The following TLNRD1 variants were observed in gnomAD, a reference collection of about 807,000 sequenced individuals.
TLNRD1 encodes the protein talin rod domain containing 1.
A neutral mutation model predicts 19.5 loss-of-function variants in TLNRD1; 14 were observed. The ratio of observed to expected loss-of-function variants is 0.72; its 90% confidence interval spans 0.47 to 1.12. TLNRD1 has a LOEUF of 1.12. Ranked by LOEUF, TLNRD1 falls within the 50% of genes most tolerant of loss-of-function variation. The probability of loss-of-function intolerance (pLI) is 0.00; values close to 1 mark genes in which losing one functional copy is unlikely to be tolerated. For synonymous variants in TLNRD1, 345 were observed against 261.7 expected, an observed-to-expected ratio of 1.32 and a Z score of -3.07; for missense variants, 569 against 531.9, an observed-to-expected ratio of 1.07 and a Z score of -0.69.
Position 81,002,184 on chromosome 15 carries a change from C to G in TLNRD1, c.-88C>G, listed in dbSNP as rs940128661. The G allele has an allele frequency of 1.3e-4, 158 of 1,196,312 alleles. 1 individual carries two copies. The highest frequency in any genetic ancestry group is 1.6e-4 in the Non-Finnish European group (155 of 963,830). The allele number at this position is 1,196,312 out of a possible 1,614,324, so 74.1% of individuals were successfully genotyped here. A position where few individuals can be genotyped will look rare whatever the true frequency, so the allele number is the denominator to read the frequency against. ...GCACCGCGGCCTTGGCCAGCTGAGT[C>G]GCGACGGCCGCCGGGGCGGCGGCAG... On this transcript the variant is annotated 5_prime_UTR_variant, in exon 1 of 1. Coordinates refer to ENST00000267984, the MANE Select transcript of TLNRD1 (RefSeq NM_022566.3).
At position 81,004,016 on chromosome 15, in the gene TLNRD1, A is replaced by G. The variant is rs548908863; in HGVS notation, c.*656A>G. ...TTATGTTTCTCAGATGGCTTTTTGC[A>G]ATTATTGTTGATTTTTCAATAATTG... On this transcript the variant is annotated 3_prime_UTR_variant, in exon 1 of 1. Transcript: ENST00000267984. 5 of 166,980 alleles carry G rather than the reference A, an allele frequency of 3.0e-5. No individual in the cohort carries two copies. In the South Asian group the frequency reaches 8.3e-4, roughly 28 times the overall value. 10.3% of individuals were successfully genotyped at this position (166,980 alleles called of 1,614,324 possible).
chr15:81,003,235 C>T lies in TLNRD1; in HGVS notation c.964C>T (p.His322Tyr). ...HPDGGAKMSDHRERLRNSACA... is the reference protein window; with the variant it reads ...HPDGGAKMSDYRERLRNSACA... The stretch of plus-strand genomic sequence containing the variant: ...CGACGGGGGCGCCAAGATGTCGGAC[C>T]ACAGGGAGAGGCTGAGGAACTCGGC... The change falls in exon 1 of 1, where the codon CAC (histidine) becomes TAC (tyrosine). Residue 322 changes from histidine to tyrosine, a missense_variant. Coordinates refer to ENST00000267984, the MANE Select transcript of TLNRD1 (RefSeq NM_022566.3). 1 of 1,606,856 alleles carries T rather than the reference C, an allele frequency of 6.2e-7. No individual in the cohort carries two copies. The highest frequency in any genetic ancestry group is 8.5e-7 in the Non-Finnish European group (1 of 1,177,346).
Position 81,002,779 on chromosome 15 carries a change from A to G in TLNRD1, c.508A>G (p.Thr170Ala). 2 of 1,549,820 alleles carry G rather than the reference A, an allele frequency of 1.3e-6. No homozygotes were observed. Among genetic ancestry groups the G allele is most frequent in the Non-Finnish European group, 1.7e-6 (2 of 1,154,238 alleles). Residue 170 changes from threonine (T) to alanine (A), a missense_variant, in exon 1 of 1, where the codon ACG (threonine) becomes GCG (alanine). Physicochemically the swap from Thr to Ala is moderately conservative, Grantham distance 58. Transcript: ENST00000267984. ...VEQGCAVLRA[T>A]PLADMTPQLL... ...GCAGGGTTGCGCCGTGCTGCGCGCC[A>G]CGCCGCTGGCCGACATGACGCCGCA...
rs1430967617 is a variant in TLNRD1 at position 81,002,357 on chromosome 15, C to T, written c.86C>T (p.Pro29Leu). The change falls in exon 1 of 1, where the codon CCG becomes CTG. Residue 29 changes from proline (P) to leucine (L), a missense_variant. Physicochemically the swap from Pro to Leu is moderately conservative, Grantham distance 98. Coordinates refer to ENST00000267984, the MANE Select transcript of TLNRD1 (RefSeq NM_022566.3). ...GCCATCGGCGGGGCCAGCTCGCAGC[C>T]GCGGAAGAGGCTGGTATCCGTCTGC... ...ASAIGGASSQ[P>L]RKRLVSVCDH... The T allele has an allele frequency of 7.0e-6, 10 of 1,436,070 alleles. No individual in the cohort carries two copies. The Admixed American group carries it at 1.4e-4, about 20-fold the overall frequency. The allele number at this position is 1,436,070 out of a possible 1,614,324, so 89.0% of individuals were successfully genotyped here.
rs965973735 is a variant in TLNRD1 at position 81,002,090 on chromosome 15, C to T, written c.-182C>T. 9.6e-6 allele frequency: 6 copies of T among 625,616 alleles called. No homozygotes were observed. The highest frequency in any genetic ancestry group is 4.8e-5 in the Admixed American group (1 of 20,860). The allele number at this position is 625,616 out of a possible 1,614,324, so 38.8% of individuals were successfully genotyped here. On this transcript the variant is annotated 5_prime_UTR_variant, in exon 1 of 1. Coordinates refer to ENST00000267984, the MANE Select transcript of TLNRD1 (RefSeq NM_022566.3). The stretch of plus-strand genomic sequence containing the variant: ...CGCCCTCGGGCCCACCCCGCGCCGC[C>T]CGGGCTCCCGCCGCCGCAGCCCAGT...
rs1288994486 is a variant in TLNRD1, at chr15:81,004,110, G to A, written c.*750G>A. The A allele has an allele frequency of 1.2e-5, 2 of 166,958 alleles. No homozygotes were observed. Among genetic ancestry groups the A allele is most frequent in the Admixed American group, 6.5e-5 (1 of 15,268 alleles). 10.3% of individuals were successfully genotyped at this position (166,958 alleles called of 1,614,324 possible). ...AAGGCTATTTCAATAGTAGTGAGGC[G>A]GGCCCCCAATTCCCAGCCCTTTCTA... On this transcript the variant is annotated 3_prime_UTR_variant, in exon 1 of 1. Coordinates refer to ENST00000267984, the MANE Select transcript of TLNRD1 (RefSeq NM_022566.3).
In TLNRD1 at chr15:81,002,102, C is replaced by T. The variant is rs545277274; in HGVS notation, c.-170C>T. On this transcript the variant is annotated 5_prime_UTR_variant, in exon 1 of 1. Coordinates refer to ENST00000267984, the MANE Select transcript of TLNRD1 (RefSeq NM_022566.3). ...CACCCCGCGCCGCCCGGGCTCCCGC[C>T]GCCGCAGCCCAGTGCCCTCTGCCCG... 4.0e-6 allele frequency: 3 copies of T among 743,984 alleles called. No homozygotes were observed. Among genetic ancestry groups the T allele is most frequent in the Non-Finnish European group, 5.4e-6 (3 of 559,240 alleles). 46.1% of individuals were successfully genotyped at this position (743,984 alleles called of 1,614,324 possible). A position where few individuals can be genotyped will look rare whatever the true frequency, so the allele number is the denominator to read the frequency against.
In TLNRD1 at chr15:81,003,378, CCTT is replaced by C. The variant is rs775185345; in HGVS notation, c.*23_*25del. The C allele has an allele frequency of 3.2e-6, 5 of 1,570,540 alleles. No homozygotes were observed. The highest frequency in any genetic ancestry group is 4.3e-6 in the Non-Finnish European group (5 of 1,152,366). ...TGAATTAGCACCCCACCCCCATACCCCTTCTTCCACCCCCAGACTAAAGGAAGA... is the reference window on the plus strand; with the variant it reads ...TGAATTAGCACCCCACCCCCATACCCCTTCCACCCCCAGACTAAAGGAAGA... On this transcript the variant is annotated 3_prime_UTR_variant, in exon 1 of 1. Coordinates refer to ENST00000267984, the MANE Select transcript of TLNRD1 (RefSeq NM_022566.3).
chr15:81,005,277 A>G lies in TLNRD1; in HGVS notation c.*1917A>G, dbSNP rs2141828483. The G allele has an allele frequency of 6.0e-6, 1 of 167,176 alleles. No individual in the cohort carries two copies. Among genetic ancestry groups the G allele is most frequent in the Non-Finnish European group, 1.5e-5 (1 of 68,100 alleles). 10.4% of individuals were successfully genotyped at this position (167,176 alleles called of 1,614,324 possible). ...TTAAAAGATGAAAATGACCTTGAGC[A>G]TCTTTATTCCTTTCCTCTGCCCCTT... On this transcript the variant is annotated 3_prime_UTR_variant, in exon 1 of 1. Transcript: ENST00000267984.
In TLNRD1 at chr15:81,003,191, G is replaced by A; in HGVS notation, c.920G>A (p.Arg307Lys). The A allele has an allele frequency of 6.3e-7, 1 of 1,590,406 alleles. No homozygotes were observed. Among genetic ancestry groups the A allele is most frequent in the Non-Finnish European group, 8.6e-7 (1 of 1,168,862 alleles). Residue 307 changes from arginine (R) to lysine (K), a missense_variant, in exon 1 of 1, where the codon AGG becomes AAG. Transcript: ENST00000267984. ...SACVLLTQCL[R>K]DLAQHPDGGA... Reference sequence around the variant, plus strand: ...TGCGTGCTCCTGACCCAGTGCCTCAGGGATCTGGCGCAGCACCCCGACGGG... The same window carrying A: ...TGCGTGCTCCTGACCCAGTGCCTCAAGGATCTGGCGCAGCACCCCGACGGG...
rs1893429596 is a variant in TLNRD1, at chr15:81,002,549, C to T, written c.278C>T (p.Thr93Ile). The change falls in exon 1 of 1, where the codon ACC becomes ATC. Residue 93 changes from threonine to isoleucine, a missense_variant. Thr to Ile is a moderately conservative substitution (Grantham distance 89). Transcript: ENST00000267984. ...CGCACCAAGGGGCTCTCCATCCTCA[C>T]CCACGACGTGCAGAGCCAGCTCAAC... The part of the protein sequence containing the change: ...IARTKGLSIL[T>I]HDVQSQLNMG... 6.9e-7 allele frequency: 1 copy of T among 1,458,920 alleles called. No individual in the cohort carries two copies. The highest frequency in any genetic ancestry group is 9.0e-7 in the Non-Finnish European group (1 of 1,110,192). 90.4% of individuals were successfully genotyped at this position (1,458,920 alleles called of 1,614,324 possible).
In TLNRD1 at chr15:81,002,348, G is replaced by C. The variant is rs758357062; in HGVS notation, c.77G>C (p.Ser26Thr). 3 of 1,407,676 alleles carry C rather than the reference G, an allele frequency of 2.1e-6. No homozygotes were observed. Among genetic ancestry groups the C allele is most frequent in the African/African-American group, 3.0e-5 (2 of 67,714 alleles). 87.2% of individuals were successfully genotyped at this position (1,407,676 alleles called of 1,614,324 possible). A position where few individuals can be genotyped will look rare whatever the true frequency, so the allele number is the denominator to read the frequency against. ...PAPASAIGGA[S>T]SQPRKRLVSV... ...CCTGCGAGCGCCATCGGCGGGGCCA[G>C]CTCGCAGCCGCGGAAGAGGCTGGTA... The change falls in exon 1 of 1, where the codon AGC becomes ACC. Residue 26 changes from serine to threonine, a missense_variant. Physicochemically the swap from Ser to Thr is moderately conservative, Grantham distance 58 (BLOSUM62 1). Coordinates refer to ENST00000267984, the MANE Select transcript of TLNRD1 (RefSeq NM_022566.3).
Position 81,002,121 on chromosome 15 carries a change from C to T in TLNRD1, c.-151C>T. 5 of 922,682 alleles carry T rather than the reference C, an allele frequency of 5.4e-6. No homozygotes were observed. Among genetic ancestry groups the T allele is most frequent in the Non-Finnish European group, 6.9e-6 (5 of 719,972 alleles). 57.2% of individuals were successfully genotyped at this position (922,682 alleles called of 1,614,324 possible). A position where few individuals can be genotyped will look rare whatever the true frequency, so the allele number is the denominator to read the frequency against. On this transcript the variant is annotated 5_prime_UTR_variant, in exon 1 of 1. Coordinates refer to ENST00000267984, the MANE Select transcript of TLNRD1 (RefSeq NM_022566.3). ...TCCCGCCGCCGCAGCCCAGTGCCCT[C>T]TGCCCGCGGCGGTGGATGGCATGAT...
rs561230529 is a variant in TLNRD1, at chr15:81,002,210, T to C, written c.-62T>C. 1,165 of 1,214,850 alleles carry C rather than the reference T, an allele frequency of 9.6e-4. 9 individuals carry two copies. In the African/African-American group the frequency reaches 0.017, roughly 18 times the overall value. The allele number at this position is 1,214,850 out of a possible 1,614,324, so 75.3% of individuals were successfully genotyped here. A position where few individuals can be genotyped will look rare whatever the true frequency, so the allele number is the denominator to read the frequency against. On this transcript the variant is annotated 5_prime_UTR_variant, in exon 1 of 1. Transcript: ENST00000267984. ...GCGACGGCCGCCGGGGCGGCGGCAG[T>C]GGCCGCGGCAGCGGCGGTGGTAGCG...
At position 81,001,580 on chromosome 15, in the gene TLNRD1, C is replaced by G. The variant is rs1179485035; in HGVS notation, c.-692C>G. 6.6e-6 allele frequency: 1 copy of G among 151,768 alleles called. No homozygotes were observed. Among genetic ancestry groups the G allele is most frequent in the Non-Finnish European group, 1.5e-5 (1 of 68,000 alleles). The allele number at this position is 151,768 out of a possible 1,614,324, so 9.4% of individuals were successfully genotyped here. A position where few individuals can be genotyped will look rare whatever the true frequency, so the allele number is the denominator to read the frequency against. The stretch of plus-strand genomic sequence containing the variant: ...AGTGCCGGCCACACCCTCTGCCCCG[C>G]TGCCGCCGGCGCCGCTTCCCAAGAG... On this transcript the variant is annotated 5_prime_UTR_variant, in exon 1 of 1. Coordinates refer to ENST00000267984, the MANE Select transcript of TLNRD1 (RefSeq NM_022566.3).
chr15:81,003,628 C>T lies in TLNRD1; in HGVS notation c.*268C>T, dbSNP rs1893455650. 5.3e-6 allele frequency: 2 copies of T among 375,560 alleles called. No homozygotes were observed. Among genetic ancestry groups the T allele is most frequent in the Non-Finnish European group, 9.9e-6 (2 of 202,198 alleles). The allele number at this position is 375,560 out of a possible 1,614,324, so 23.3% of individuals were successfully genotyped here. A position where few individuals can be genotyped will look rare whatever the true frequency, so the allele number is the denominator to read the frequency against. ...GTTGTGTTATCACTCCCACCCCCTACCCCAGCCCGTCTTCCGGAATTTCTC... is the reference window on the plus strand; with the variant it reads ...GTTGTGTTATCACTCCCACCCCCTATCCCAGCCCGTCTTCCGGAATTTCTC... On this transcript the variant is annotated 3_prime_UTR_variant, in exon 1 of 1. Coordinates refer to ENST00000267984, the MANE Select transcript of TLNRD1 (RefSeq NM_022566.3).
In TLNRD1 at chr15:81,003,069, C is replaced by G. The variant is rs773643409; in HGVS notation, c.798C>G (p.Thr266=). 4.5e-6 allele frequency: 7 copies of G among 1,547,090 alleles called. No homozygotes were observed. Among genetic ancestry groups the G allele is most frequent in the Non-Finnish European group, 6.1e-6 (7 of 1,152,012 alleles). ...QAVSALVGFA[T]EPQFLGRAAA... Reference sequence around the variant, plus strand: ...TGAGCGCCCTGGTAGGCTTCGCCACCGAGCCGCAGTTCCTGGGTCGCGCGG... The same window carrying G: ...TGAGCGCCCTGGTAGGCTTCGCCACGGAGCCGCAGTTCCTGGGTCGCGCGG... Residue 266 remains threonine, a synonymous_variant, in exon 1 of 1, where the codon ACC becomes ACG. Transcript: ENST00000267984.
chr15:81,000,972 G>T lies in TLNRD1; in HGVS notation c.-1300G>T. The T allele has an allele frequency of 6.4e-6, 1 of 156,564 alleles. No homozygotes were observed. The highest frequency in any genetic ancestry group is 1.4e-5 in the Non-Finnish European group (1 of 71,008). The allele number at this position is 156,564 out of a possible 1,614,324, so 9.7% of individuals were successfully genotyped here. A position where few individuals can be genotyped will look rare whatever the true frequency, so the allele number is the denominator to read the frequency against. On this transcript the variant is annotated 5_prime_UTR_variant, in exon 1 of 1. Coordinates refer to ENST00000267984, the MANE Select transcript of TLNRD1 (RefSeq NM_022566.3). The stretch of plus-strand genomic sequence containing the variant: ...AGGTTACGGCCGAGGCGGCGGCGGC[G>T]GCGAGCCCGGGGGCGAGGCGCGGAC...
Position 81,002,079 on chromosome 15 carries a change from C to A in TLNRD1, c.-193C>A. The A allele has an allele frequency of 2.0e-6, 1 of 510,404 alleles. No homozygotes were observed. The highest frequency in any genetic ancestry group is 2.9e-6 in the Non-Finnish European group (1 of 349,016). The allele number at this position is 510,404 out of a possible 1,614,324, so 31.6% of individuals were successfully genotyped here. ...CCGCGTTCTCTCGCCCTCGGGCCCA[C>A]CCCGCGCCGCCCGGGCTCCCGCCGC... On this transcript the variant is annotated 5_prime_UTR_variant, in exon 1 of 1. Coordinates refer to ENST00000267984, the MANE Select transcript of TLNRD1 (RefSeq NM_022566.3).
Sources: gnomAD v4.1 joint callset for allele counts on GRCh38, gnomAD v4.1.1 for gene constraint, MANE v1.5 for transcripts, NCBI Gene and HGNC (gene_info 2026-07-23, HGNC 2026-07-21) for gene names.